RIMS2: variants seen among roughly 807,000 people sequenced by gnomAD.
RIMS2 encodes regulating synaptic membrane exocytosis protein 2.
Under a neutral mutation model 174.4 loss-of-function variants are expected in RIMS2, and 59 were observed. The observed-to-expected ratio is 0.34, with a 90% confidence interval of 0.27 to 0.42. RIMS2 has a LOEUF of 0.42. Among genes scored for constraint, RIMS2 ranks in the 10% least tolerant of loss-of-function variants. RIMS2 has a pLI of 1.00. For missense variants in RIMS2, 1,620 were observed against 1,666.3 expected, an observed-to-expected ratio of 0.97 and a Z score of 0.48; for synonymous variants, 606 against 572.5, an observed-to-expected ratio of 1.06 and a Z score of -0.84.
intron 3 of RIMS2, among the ~76,000 whole-genome samples, chr8:103,776,835 A>G (rs2098323870): frequency 6.6e-6 from 1 of 152,160 alleles, no homozygotes; most frequent in South Asian, 2.1e-4. Context: ...TTAGCTGTGA[A>G]GCATGACTTT....
chr8:103,876,248 A>G (rs1322596458), intron 3 of RIMS2, among the ~76,000 whole-genome samples: 1 of 151,934 alleles, frequency 6.6e-6, no homozygotes, highest in Non-Finnish European at 1.5e-5. Flanking sequence ...CATATATTTA[A>G]GTCTTTAATC....
chr8:104,251,646 T>C (rs756702749), exon 24 of RIMS2: 3 of 1,611,638 alleles, frequency 1.9e-6, no homozygotes, highest in Non-Finnish European at 1.7e-6. Flanking sequence ...ACAAATCTTT[T>C]ATGGGAGTGG....
At chr8:103,552,555 T>C (rs1286885440) in intron 1 of RIMS2, among the ~76,000 whole-genome samples, 1 of 152,172 alleles carries the variant, frequency 6.6e-6, no homozygotes. Flanking sequence ...ACTTCATGAC[T>C]AAAACACCAA....
At chr8:104,234,458 A>G (rs1199844816) in intron 19 of RIMS2, among the ~76,000 whole-genome samples, 1 of 152,032 alleles carries the variant, frequency 6.6e-6, no homozygotes, top group Non-Finnish European at 1.5e-5. Flanking sequence ...GTGGATATGC[A>G]ACTCTATCTA....
rs1183741701 is a variant in RIMS2 at position 103,967,851 on chromosome 8, C to CTT, written c.2770+6737_2770+6738dup. On this transcript the variant is annotated intron_variant, in intron 15 of 23. Coordinates refer to ENST00000504942, the Ensembl canonical transcript of RIMS2. ...TCTAAAATTAGTGTACCTACTCCTG[C>CTT]TTTTTTTTTTTTTTTTTTTTGAGAC... is the stretch of plus-strand genomic sequence containing the variant. Among the ~76,000 whole-genome samples, 426 of 109,552 alleles carry CTT rather than the reference C, an allele frequency of 3.9e-3. 23 individuals carry two copies. The highest frequency in any genetic ancestry group is 0.013 in the African/African-American group (363 of 27,288). The allele number at this position is 109,552 out of a possible 152,430, so 71.9% of individuals were successfully genotyped here. A position where few individuals can be genotyped will look rare whatever the true frequency, so the allele number is the denominator to read the frequency against.
rs145697642 is a variant in RIMS2 at position 104,099,103 on chromosome 8, A to T, written c.3334+84488A>T. ...GTGAGCATTGCCTGTTATTCTGATG[A>T]TTTGCCTTTATTATCATAAATTTGA... On this transcript the variant is annotated intron_variant, in intron 19 of 23. Transcript: ENST00000504942. Among the ~76,000 whole-genome samples, 538 of 152,258 alleles carry T rather than the reference A, an allele frequency of 3.5e-3. 2 individuals carry two copies. Among genetic ancestry groups the T allele is most frequent in the Non-Finnish European group, 5.8e-3 (391 of 67,998 alleles).
At chr8:104,185,264 A>G (rs1313749428) in intron 19 of RIMS2, among the ~76,000 whole-genome samples, 3 of 151,490 alleles carry the variant, frequency 2.0e-5, no homozygotes, top group Non-Finnish European at 3.0e-5. Context: ...TTATACTTGT[A>G]TGTTTTTCCT....
At chr8:103,555,102 T>A (rs979865554) in intron 1 of RIMS2, among the ~76,000 whole-genome samples, 1 of 152,108 alleles carries the variant, frequency 6.6e-6, no homozygotes, top group South Asian at 2.1e-4. Context: ...ACTTGGGTGA[T>A]GAAATTATCT....
chr8:103,569,899 C>T (rs922902611), intron 1 of RIMS2, among the ~76,000 whole-genome samples: 3 of 151,684 alleles, frequency 2.0e-5, no homozygotes, highest in Admixed American at 6.6e-5. Context: ...TCCCGAGTTG[C>T]TGGGATTATA....
intron 1 of RIMS2, among the ~76,000 whole-genome samples, chr8:103,624,887 A>C (rs1040639772): frequency 1.3e-5 from 2 of 152,100 alleles, no homozygotes; most frequent in Admixed American, 1.3e-4. Context: ...ACATACATAC[A>C]CACAAAAATA....
At chr8:103,940,126 C>A (rs1402347515) in intron 13 of RIMS2, among the ~76,000 whole-genome samples, 1 of 152,236 alleles carries the variant, frequency 6.6e-6, no homozygotes, top group East Asian at 1.9e-4. Context: ...TGTACTAGTA[C>A]CAATTTATTG....
intron 1 of RIMS2, among the ~76,000 whole-genome samples, chr8:103,505,292 T>C (rs1371328370): frequency 3.9e-5 from 6 of 152,158 alleles, no homozygotes; most frequent in Admixed American, 3.9e-4. Context: ...TGTCTGTATA[T>C]GTGTGTATGT....
intron 19 of RIMS2, among the ~76,000 whole-genome samples, chr8:104,137,483 T>C (rs1016402546): frequency 1.3e-5 from 2 of 152,194 alleles, no homozygotes; most frequent in Non-Finnish European, 2.9e-5. Flanking sequence ...GCAAACATTA[T>C]TTTAAAACCT....
At chr8:103,839,921 A>G (rs1422720955) in intron 3 of RIMS2, among the ~76,000 whole-genome samples, 2 of 152,176 alleles carry the variant, frequency 1.3e-5, no homozygotes, top group Non-Finnish European at 2.9e-5. Flanking sequence ...TTTAATCTCT[A>G]TTTTTAACAC....
intron 2 of RIMS2, among the ~76,000 whole-genome samples, chr8:103,737,464 G>A (rs1471000181): frequency 6.6e-6 from 1 of 152,052 alleles, no homozygotes; most frequent in Non-Finnish European, 1.5e-5. Flanking sequence ...TGGGATTATA[G>A]GAGTGAACCA....
In RIMS2 at chr8:103,544,592, C is replaced by G. The variant is rs191685066; in HGVS notation, c.176+43530C>G. Among the ~76,000 whole-genome samples the G allele has an allele frequency of 4.6e-5, 7 of 152,316 alleles. No homozygotes were observed. The East Asian group carries it at 1.2e-3, about 25-fold the overall frequency. On this transcript the variant is annotated intron_variant, in intron 1 of 23. Coordinates refer to ENST00000504942, the Ensembl canonical transcript of RIMS2. The stretch of plus-strand genomic sequence containing the variant: ...CTGCTAGAGCTTCCAGCCCAGTGGT[C>G]CCACTTCTGCCTGAACTCTGTGTGC...
chr8:104,048,064 A>G (rs1233609769), intron 19 of RIMS2, among the ~76,000 whole-genome samples: 1 of 152,178 alleles, frequency 6.6e-6, no homozygotes, highest in Non-Finnish European at 1.5e-5. Context: ...CTAAAAATAA[A>G]AGCAATTAAA....
chr8:103,953,432 G>C (rs1051499886), intron 14 of RIMS2, among the ~76,000 whole-genome samples: 5 of 152,190 alleles, frequency 3.3e-5, no homozygotes, highest in African/African-American at 1.2e-4. Context: ...CCAGAAGAGA[G>C]TGGGGGCCAA....
In RIMS2 at chr8:104,100,393, A is replaced by G. The variant is rs553875422; in HGVS notation, c.3334+85778A>G. On this transcript the variant is annotated intron_variant, in intron 19 of 23. Transcript: ENST00000504942. ...TAGGAGATCATGTCACCTGCATTTAAAGATAGTTTTACTTTCTCTTTCAAT... is the reference window on the plus strand; with the variant it reads ...TAGGAGATCATGTCACCTGCATTTAGAGATAGTTTTACTTTCTCTTTCAAT... 3.0e-4 allele frequency among the ~76,000 whole-genome samples: 46 copies of G among 152,118 alleles called. No individual in the cohort carries two copies. In the South Asian group the frequency reaches 9.5e-3, roughly 32 times the overall value.
Sources: gnomAD v4.1 joint callset for allele counts (sites outside exome capture counted in the v4.1 genomes callset) on GRCh38, gnomAD v4.1.1 for gene constraint, MANE v1.5 for transcripts, NCBI Gene and HGNC (gene_info 2026-07-23, HGNC 2026-07-21) for gene names.